AOPEP: variants seen among roughly 807,000 people sequenced by gnomAD.
AOPEP encodes aminopeptidase O.
Under a neutral mutation model 98.1 loss-of-function variants are expected in AOPEP, and 77 were observed. The ratio of observed to expected loss-of-function variants is 0.78; its 90% CI spans 0.65 to 0.95. The LOEUF (loss-of-function observed/expected upper bound fraction) is 0.95, where lower values mean the gene tolerates loss of function less well. Among genes scored for constraint, AOPEP ranks in the 40% least tolerant of loss-of-function variants. The pLI, the probability that AOPEP is intolerant of heterozygous loss-of-function variation, is 0.00. For synonymous variants in AOPEP, 346 were observed against 365.3 expected, an observed-to-expected ratio of 0.95 and a Z score of 0.60; for missense variants, 1,024 against 1,024.7, an observed-to-expected ratio of 1.00 and a Z score of 0.01.
rs534359374 is a variant in AOPEP, at chr9:94,867,100, C to G, written c.1365-56886C>G. Among the ~76,000 whole-genome samples, 42 of 152,252 alleles carry G rather than the reference C, an allele frequency of 2.8e-4. No homozygotes were observed. In the South Asian group the frequency reaches 8.7e-3, roughly 32 times the overall value. The stretch of plus-strand genomic sequence containing the variant: ...TATTATATACTTTTCAGTCTGCTGC[C>G]TGCTATTTTGATTAAATTTACTTCC... On this transcript the variant is annotated intron_variant, in intron 5 of 16. Coordinates refer to ENST00000375315, the MANE Select transcript of AOPEP (RefSeq NM_001193329.3).
At chr9:94,837,468 G>A (rs1162374960) in intron 5 of AOPEP, among the ~76,000 whole-genome samples, 2 of 152,116 alleles carry the variant, frequency 1.3e-5, no homozygotes, top group Non-Finnish European at 2.9e-5. Context: ...ATATTGATCT[G>A]TAGTTCAGTA....
At chr9:95,082,164 C>T (rs1312434168) in intron 15 of AOPEP, among the ~76,000 whole-genome samples, 1 of 152,086 alleles carries the variant, frequency 6.6e-6, no homozygotes, top group Non-Finnish European at 1.5e-5. Context: ...GAGCTCAGAC[C>T]AGCTACTCCT....
At chr9:94,965,133 A>G (rs1564456447) in intron 9 of AOPEP, among the ~76,000 whole-genome samples, 2 of 152,206 alleles carry the variant, frequency 1.3e-5, no homozygotes. Context: ...CGCACAAATA[A>G]TTCTTTGCAT....
At chr9:94,883,853 C>T (rs753051643) in intron 5 of AOPEP, among the ~76,000 whole-genome samples, 3 of 152,146 alleles carry the variant, frequency 2.0e-5, no homozygotes, top group Non-Finnish European at 2.9e-5. Flanking sequence ...ATCTGACATA[C>T]TGAAGACCAT....
chr9:94,757,894 C>T (rs1294720652), intron 1 of AOPEP, among the ~76,000 whole-genome samples: 1 of 152,134 alleles, frequency 6.6e-6, no homozygotes, highest in African/African-American at 2.4e-5. Context: ...TAGAAATAGC[C>T]AATGGATTTA....
At chr9:94,810,457 GGT>G (rs1161358140) in intron 5 of AOPEP, among the ~76,000 whole-genome samples, 1 of 151,808 alleles carries the variant, frequency 6.6e-6, no homozygotes. Flanking sequence ...TGAGATTACA[GGT>G]GCGCGCCACC....
intron 4 of AOPEP, among the ~76,000 whole-genome samples, chr9:94,793,192 C>T (rs1846124145): frequency 1.3e-5 from 2 of 151,100 alleles, no homozygotes; most frequent in African/African-American, 4.9e-5. Flanking sequence ...GGTGAAACCC[C>T]CGTCTCTACT....
At chr9:94,896,688 G>T (rs1332305310) in intron 5 of AOPEP, among the ~76,000 whole-genome samples, 1 of 152,132 alleles carries the variant, frequency 6.6e-6, no homozygotes, top group Non-Finnish European at 1.5e-5. Flanking sequence ...TAAAGTACTT[G>T]ACCATTACAC....
intron 14 of AOPEP, among the ~76,000 whole-genome samples, chr9:95,076,207 G>A (rs2069048736): frequency 6.6e-6 from 1 of 152,230 alleles, no homozygotes; most frequent in Non-Finnish European, 1.5e-5. Flanking sequence ...TTCAGTGGTG[G>A]TGATGGTACA....
At chr9:94,938,247 G>A (rs1422643687) in intron 7 of AOPEP, among the ~76,000 whole-genome samples, 1 of 152,320 alleles carries the variant, frequency 6.6e-6, no homozygotes, top group Non-Finnish European at 1.5e-5. Context: ...TAGGGATTAC[G>A]TCTTGTTTCT....
chr9:94,762,928 G>T (rs944325451), intron 2 of AOPEP, among the ~76,000 whole-genome samples: 1 of 152,204 alleles, frequency 6.6e-6, no homozygotes, highest in African/African-American at 2.4e-5. Context: ...GAATATAATT[G>T]TGTGAAAATA....
the AOPEP span, chr9:95,100,781 C>T: frequency 8.9e-6 from 2 of 225,294 alleles, no homozygotes; most frequent in Non-Finnish European, 8.8e-6. Context: ...CAGATGCATG[C>T]CATTGCACCC....
At chr9:94,901,797 C>T (rs929846272) in intron 5 of AOPEP, among the ~76,000 whole-genome samples, 3 of 151,912 alleles carry the variant, frequency 2.0e-5, no homozygotes, top group Non-Finnish European at 2.9e-5. Context: ...GAAAATTAGC[C>T]GGGCGTCGTG....
intron 1 of AOPEP, among the ~76,000 whole-genome samples, chr9:94,752,009 C>A (rs1182210959): frequency 1.3e-5 from 2 of 151,600 alleles, no homozygotes; most frequent in African/African-American, 4.9e-5. Context: ...CCTCCCACCT[C>A]AGTCTCCTTA....
intron 5 of AOPEP, among the ~76,000 whole-genome samples, chr9:94,842,376 C>T (rs1261032834): frequency 6.6e-6 from 1 of 151,972 alleles, no homozygotes; most frequent in Admixed American, 6.6e-5. Flanking sequence ...AAAAGAAAAA[C>T]AACAACAAAC....
chr9:94,914,164 A>AC, intron 5 of AOPEP, among the ~76,000 whole-genome samples: 1 of 152,220 alleles, frequency 6.6e-6, no homozygotes, highest in Admixed American at 6.5e-5. Flanking sequence ...TTTGATGGAG[A>AC]CATGGATGTA....
At chr9:95,051,150 C>T (rs1231726542) in intron 13 of AOPEP, among the ~76,000 whole-genome samples, 3 of 136,216 alleles carry the variant, frequency 2.2e-5, no homozygotes, top group Admixed American at 8.6e-5. Context: ...AGTGCAATGG[C>T]GTGATCTCGA....
intron 1 of AOPEP, among the ~76,000 whole-genome samples, chr9:94,740,750 G>A (rs968480789): frequency 2.6e-5 from 4 of 152,212 alleles, no homozygotes; most frequent in Non-Finnish European, 5.9e-5. Context: ...TGGTTCAGAG[G>A]CTGCTGGGTC....
At chr9:95,087,687 G>A (rs118174495), downstream of AOPEP, among the ~76,000 whole-genome samples, 581 of 152,218 alleles carry the variant, frequency 3.8e-3, 15 homozygotes, top group East Asian at 0.052. Flanking sequence ...TTCAGGCATC[G>A]TGGGAGTCTG....
Sources: allele counts gnomAD v4.1 joint callset (sites outside exome capture counted in the v4.1 genomes callset), GRCh38; gene constraint gnomAD v4.1.1; transcripts MANE v1.5; gene names NCBI Gene and HGNC (gene_info 2026-07-23, HGNC 2026-07-21).